Variants in DYRK1A observed in about 807,000 individuals in gnomAD.
The protein encoded by DYRK1A is dual specificity tyrosine-phosphorylation-regulated kinase 1A.
In DYRK1A, 9 loss-of-function variants were observed where a neutral mutation model predicts 79.7. The observed-to-expected ratio is 0.11, with a 90% CI of 0.07 to 0.20. The LOEUF is 0.20. DYRK1A is among the 10% of genes least tolerant of loss of function. The probability of loss-of-function intolerance (pLI) is 1.00; values close to 1 mark genes in which losing one functional copy is unlikely to be tolerated. For missense variants in DYRK1A, 622 were observed against 956.0 expected (o/e 0.65, Z 4.61); for synonymous variants, 349 against 329.7 (o/e 1.06, Z -0.63).
rs142227831 is a variant in DYRK1A at position 37,433,575 on chromosome 21, A to G, written c.10+13191A>G. On this transcript the variant is annotated intron_variant, in intron 2 of 11. Transcript: ENST00000647188. ...TTAAAGGAGGCTAATGCAGGTTCCA[A>G]GTAGTTCAAAAATGTACCAAAAGTT... 3.9e-4 allele frequency among the ~76,000 whole-genome samples: 59 copies of G among 152,342 alleles called. No homozygotes were observed. The East Asian group carries it at 8.9e-3, about 23-fold the overall frequency.
chr21:37,444,228 A>C (rs1165767060), intron 2 of DYRK1A, among the ~76,000 whole-genome samples: 1 of 152,194 alleles, frequency 6.6e-6, no homozygotes, highest in Non-Finnish European at 1.5e-5. Flanking sequence ...GATTTGTCCC[A>C]CTTCTTTCAC....
At chr21:37,448,716 G>A (rs1156662165) in intron 2 of DYRK1A, among the ~76,000 whole-genome samples, 1 of 151,924 alleles carries the variant, frequency 6.6e-6, no homozygotes, top group Non-Finnish European at 1.5e-5. Context: ...TTGAGGCAGA[G>A]TCTTACTCTG....
chr21:37,415,859 T>A (rs1419527940), intron 1 of DYRK1A, among the ~76,000 whole-genome samples: 1 of 152,166 alleles, frequency 6.6e-6, no homozygotes, highest in African/African-American at 2.4e-5. Context: ...AAATTTAGTA[T>A]TCTGTTCTAA....
rs2050483067 is a variant in DYRK1A at position 37,421,765 on chromosome 21, T to TA, written c.10+1381_10+1382insA. The TA allele has an allele frequency of 2.0e-5, 3 of 152,164 alleles. No homozygotes were observed. In the South Asian group the frequency reaches 6.2e-4, roughly 31 times the overall value. 9.4% of individuals were successfully genotyped at this position (152,164 alleles called of 1,614,324 possible). A position where few individuals can be genotyped will look rare whatever the true frequency, so the allele number is the denominator to read the frequency against. ...TGTCAGATTTTATAAGTTTGACCTT[T>TA]TGGTGCAGGAACTATTTCTCAGCAT... On this transcript the variant is annotated intron_variant, in intron 2 of 11. Transcript: ENST00000647188.
At chr21:37,420,430 TGGGAATCGATGGTCTATTTTGAATGG>T (rs2050444197) in intron 2 of DYRK1A, 46 bp downstream of exon 2, 2 of 1,594,398 alleles carry the variant, frequency 1.3e-6, no homozygotes, top group Admixed American at 1.7e-5. Context: ...TAAGAGAATG[TGGGAATCGATGGTCTATTTTGAATGG>T]GGGAGGTTTC....
At chr21:37,438,435 A>G (rs2050990108) in intron 2 of DYRK1A, among the ~76,000 whole-genome samples, 6 of 152,014 alleles carry the variant, frequency 3.9e-5, no homozygotes, top group Admixed American at 3.9e-4. Context: ...TTTCCCCACT[A>G]GATTTTACAG....
At chr21:37,482,620 T>G (rs1268220751) in intron 5 of DYRK1A, among the ~76,000 whole-genome samples, 3 of 152,174 alleles carry the variant, frequency 2.0e-5, no homozygotes, top group Non-Finnish European at 2.9e-5. Context: ...TGATAACATC[T>G]TATCAGGAGA....
At chr21:37,490,128 A>C (rs1383616256) in intron 6 of DYRK1A, 47 bp from the exon 7 acceptor site, 1 of 1,535,274 alleles carries the variant, frequency 6.5e-7, no homozygotes, top group South Asian at 1.2e-5. Context: ...TGTTACTCTC[A>C]GTTTATTGGT....
chr21:37,400,679 G>A (rs1236737647), intron 1 of DYRK1A, among the ~76,000 whole-genome samples: 1 of 152,146 alleles, frequency 6.6e-6, no homozygotes, highest in Non-Finnish European at 1.5e-5. Flanking sequence ...GCTGACAGTG[G>A]TAATTTTTAT....
In DYRK1A at chr21:37,514,886, T is replaced by G. The variant is rs1469560792; in HGVS notation, c.*2355T>G. ...CACATCTTAGCAAGCACCAAAAAAC[T>G]AAAGCAGTTTTTAAACCGATATTTA... On this transcript the variant is annotated 3_prime_UTR_variant, in exon 12 of 12. Coordinates refer to ENST00000647188, the MANE Select transcript of DYRK1A (RefSeq NM_001347721.2). The G allele has an allele frequency of 1.3e-5, 2 of 152,632 alleles. No individual in the cohort carries two copies. The highest frequency in any genetic ancestry group is 4.8e-5 in the African/African-American group (2 of 41,460). 9.5% of individuals were successfully genotyped at this position (152,632 alleles called of 1,614,324 possible).
chr21:37,420,413 C>T (rs781585660), intron 2 of DYRK1A, 29 bp downstream of exon 2: 7 of 1,599,934 alleles, frequency 4.4e-6, no homozygotes, highest in Middle Eastern at 1.7e-4. Flanking sequence ...TACAGTAAAA[C>T]TCTGGCTAAG....
intron 1 of DYRK1A, among the ~76,000 whole-genome samples, chr21:37,371,652 A>G (rs1377818256): frequency 1.3e-5 from 2 of 152,346 alleles, no homozygotes; most frequent in African/African-American, 2.4e-5. Context: ...GACAAGTTAC[A>G]TAATTTTTTT....
chr21:37,517,389 T>G lies in DYRK1A; in HGVS notation c.*4858T>G, dbSNP rs2053891858. ...GCCGTGTAGGTATAAGTGCTTAATG[T>G]TTCATCTGTCTGAAAGACCAGCTAT... On this transcript the variant is annotated 3_prime_UTR_variant, in exon 12 of 12. Transcript: ENST00000647188. The G allele has an allele frequency of 6.6e-6, 1 of 152,220 alleles. No homozygotes were observed. The highest frequency in any genetic ancestry group is 6.5e-5 in the Admixed American group (1 of 15,278). 9.4% of individuals were successfully genotyped at this position (152,220 alleles called of 1,614,324 possible). A position where few individuals can be genotyped will look rare whatever the true frequency, so the allele number is the denominator to read the frequency against.
intron 1 of DYRK1A, among the ~76,000 whole-genome samples, chr21:37,377,188 C>T (rs1038305620): frequency 1.6e-4 from 24 of 152,004 alleles, no homozygotes; most frequent in Non-Finnish European, 1.3e-4. Flanking sequence ...GGCGCAATCT[C>T]GGCTCACTGC....
intron 2 of DYRK1A, among the ~76,000 whole-genome samples, chr21:37,464,872 A>G (rs1452724016): frequency 1.3e-5 from 2 of 152,244 alleles, no homozygotes; most frequent in Non-Finnish European, 2.9e-5. Context: ...ACTTAAGAGT[A>G]AAAACATGGG....
rs2053952837 is a variant in DYRK1A, at chr21:37,524,080, A to G, written c.*11549A>G. 6.6e-6 allele frequency: 1 copy of G among 152,238 alleles called. No homozygotes were observed. The highest frequency in any genetic ancestry group is 1.5e-5 in the Non-Finnish European group (1 of 68,050). 9.4% of individuals were successfully genotyped at this position (152,238 alleles called of 1,614,324 possible). A position where few individuals can be genotyped will look rare whatever the true frequency, so the allele number is the denominator to read the frequency against. ...TTGTGCTTTTAAGGTACAATGGAGT[A>G]TGAATTGTTACTGAATTAGGCAGCA... On this transcript the variant is annotated 3_prime_UTR_variant, in exon 12 of 12. Transcript: ENST00000647188.
chr21:37,479,625 T>TTTTTTTTTTTTG (rs2052560821), intron 4 of DYRK1A, among the ~76,000 whole-genome samples: 1 of 97,536 alleles, frequency 1.0e-5, no homozygotes, highest in African/African-American at 5.6e-5. Flanking sequence ...TTTTGTTTTT[T>TTTTTTTTTTTTG]TTTTTTTTTT....
At chr21:37,404,431 C>T (rs1246508589) in intron 1 of DYRK1A, among the ~76,000 whole-genome samples, 1 of 152,302 alleles carries the variant, frequency 6.6e-6, no homozygotes, top group South Asian at 2.1e-4. Context: ...TTCTGTGGCT[C>T]AGGTTGTTTC....
chr21:37,471,768 C>T (rs915839299), intron 2 of DYRK1A, among the ~76,000 whole-genome samples: 1 of 152,152 alleles, frequency 6.6e-6, no homozygotes, highest in Non-Finnish European at 1.5e-5. Context: ...TATTTTGCTA[C>T]TGAGCGTTAT....
Sources: gnomAD v4.1 joint callset for allele counts (sites outside exome capture counted in the v4.1 genomes callset) on GRCh38, gnomAD v4.1.1 for gene constraint, MANE v1.5 for transcripts, NCBI Gene and HGNC (gene_info 2026-07-23, HGNC 2026-07-21) for gene names.